PSMD3: variants seen among roughly 807,000 people sequenced by gnomAD.
PSMD3 encodes 26S proteasome non-ATPase regulatory subunit 3.
A neutral mutation model predicts 62.8 loss-of-function variants in PSMD3; 5 were observed. That is an observed-to-expected ratio of 0.08 (90% CI 0.04 to 0.17). PSMD3 has a LOEUF of 0.17. PSMD3 is among the 10% of genes least tolerant of loss of function. The pLI, the probability that PSMD3 is intolerant of heterozygous loss-of-function variation, is 1.00. For missense variants in PSMD3, 524 were observed against 713.6 expected, an observed-to-expected ratio of 0.73 and a Z score of 3.03; for synonymous variants, 265 against 283.9, an observed-to-expected ratio of 0.93 and a Z score of 0.67.
In PSMD3 at chr17:39,995,221, A is replaced by G. The variant is rs1422605502; in HGVS notation, c.1142A>G (p.Gln381Arg). 7 of 1,613,972 alleles carry G rather than the reference A, an allele frequency of 4.3e-6. No individual in the cohort carries two copies. The highest frequency in any genetic ancestry group is 5.9e-6 in the Non-Finnish European group (7 of 1,180,028). Residue 381 changes from glutamine to arginine, a missense_variant, in exon 8 of 12, where the codon CAG (glutamine) becomes CGG (arginine). Gln to Arg is a conservative substitution (Grantham distance 43, BLOSUM62 1). Transcript: ENST00000264639. This position sits in a 1 kb window ranked among gnomAD's most constrained non-coding sequence, Gnocchi z 4.1. ...NLAKFNQVLD[Q>R]FGEKFQADGT... ...GCCAAGTTCAACCAGGTCCTGGATC[A>G]GTTTGGGGAGAAGTTTCAAGCAGAT...
At chr17:39,988,971 G>A (rs1980591261) in intron 4 of PSMD3, 152 bp downstream of exon 4, 4 of 1,051,856 alleles carry the variant, frequency 3.8e-6, no homozygotes, top group Non-Finnish European at 5.6e-6. Flanking sequence ...CCACGTGAGG[G>A]GTGTGGGAGA....
rs1370117796 is a variant in PSMD3 at position 39,989,732 on chromosome 17, C to T, written c.687-7C>T. On this transcript the variant is annotated splice_region_variant and splice_polypyrimidine_tract_variant and intron_variant, in intron 4 of 11. Coordinates refer to ENST00000264639, the MANE Select transcript of PSMD3 (RefSeq NM_002809.4). ...AAGGCTTTGACATCTTTCTTTCCTT[C>T]TTGAAGCTTCTTGCATGCTCGGCTC... 8 of 1,609,570 alleles carry T rather than the reference C, an allele frequency of 5.0e-6. No individual in the cohort carries two copies. The highest frequency in any genetic ancestry group is 6.8e-6 in the Non-Finnish European group (8 of 1,177,904).
chr17:39,982,279 GGT>G (rs1295596996), intron 1 of PSMD3, among the ~76,000 whole-genome samples: 1 of 152,106 alleles, frequency 6.6e-6, no homozygotes, highest in African/African-American at 2.4e-5. Flanking sequence ...TTGCCTACTG[GGT>G]GTGTTTATTA....
At chr17:39,986,985 T>C (rs1980541343) in intron 3 of PSMD3, among the ~76,000 whole-genome samples, 2 of 152,092 alleles carry the variant, frequency 1.3e-5, no homozygotes, top group African/African-American at 2.4e-5. Context: ...TAGGGGCATT[T>C]GGAGACAGAA....
chr17:39,997,662 C>T lies in PSMD3; in HGVS notation c.*81C>T. On this transcript the variant is annotated 3_prime_UTR_variant, in exon 12 of 12. Coordinates refer to ENST00000264639, the MANE Select transcript of PSMD3 (RefSeq NM_002809.4). ...GGTCCCCTGCCCAGGGCACTGTCCC[C>T]ATTTTCCCACACACAGCTCATATGC... The T allele has an allele frequency of 6.8e-7, 1 of 1,464,926 alleles. No individual in the cohort carries two copies. Among genetic ancestry groups the T allele is most frequent in the Non-Finnish European group, 9.4e-7 (1 of 1,061,300 alleles). 90.7% of individuals were successfully genotyped at this position (1,464,926 alleles called of 1,614,324 possible).
intron 6 of PSMD3, among the ~76,000 whole-genome samples, chr17:39,990,733 G>C (rs1188795437): frequency 6.6e-6 from 1 of 152,180 alleles, no homozygotes; most frequent in Admixed American, 6.5e-5. Flanking sequence ...AGTCATTCCA[G>C]GCTTGGACCT....
intron 6 of PSMD3, 112 bp downstream of exon 6, chr17:39,990,309 C>CA (rs1391738329): frequency 1.1e-6 from 1 of 919,124 alleles, no homozygotes; most frequent in Non-Finnish European, 1.6e-6. Flanking sequence ...GAAGTCCTCC[C>CA]ACCTCAGCTT....
rs543910288 is a variant in PSMD3, at chr17:39,984,057, A to G, written c.221-237A>G. Among the ~76,000 whole-genome samples the G allele has an allele frequency of 5.6e-4, 85 of 152,158 alleles. No homozygotes were observed. In the South Asian group the frequency reaches 0.014, roughly 25 times the overall value. ...TACTAAAAATACAAAAAATTTAGCC[A>G]GGCGTGGTGGCGGGTGCCTGTAGTC... On this transcript the variant is annotated intron_variant, in intron 1 of 11. Transcript: ENST00000264639.
chr17:39,988,876 A>G (rs1980588957), intron 4 of PSMD3, 57 bp downstream of exon 4: 1 of 1,588,852 alleles, frequency 6.3e-7, no homozygotes, highest in Admixed American at 1.7e-5. Flanking sequence ...TTGGTCAGTC[A>G]CAAGCACACA....
intron 1 of PSMD3, among the ~76,000 whole-genome samples, chr17:39,983,458 AT>A (rs779125793): frequency 4.6e-4 from 70 of 152,242 alleles, no homozygotes; most frequent in Non-Finnish European, 9.0e-4. Context: ...GTTCGTCTCC[AT>A]TTTTGTTTTG....
intron 1 of PSMD3, among the ~76,000 whole-genome samples, chr17:39,981,847 A>G (rs371515353): frequency 5.4e-5 from 2 of 37,338 alleles, no homozygotes; most frequent in Non-Finnish European, 1.0e-4. Flanking sequence ...GTAATACTCA[A>G]CCTTTGGCCT....
chr17:39,985,728 A>G (rs773203549), intron 2 of PSMD3, among the ~76,000 whole-genome samples: 4 of 152,246 alleles, frequency 2.6e-5, no homozygotes, highest in Non-Finnish European at 5.9e-5. Context: ...TGACCTTCAC[A>G]TCGCTAAACT....
At chr17:39,984,771 C>G (rs1417438425) in intron 2 of PSMD3, among the ~76,000 whole-genome samples, 1 of 152,174 alleles carries the variant, frequency 6.6e-6, no homozygotes, top group African/African-American at 2.4e-5. Context: ...GGTGACCTCT[C>G]TGTTGTTCTA....
rs186307402 is a variant in PSMD3, at chr17:39,981,645, C to T, written c.220+455C>T. ...AACTGTACAGCAGATTTTTGTTGTC[C>T]TAGCTGCCTTTAGCACACTCCCCCG... On this transcript the variant is annotated intron_variant, in intron 1 of 11. Coordinates refer to ENST00000264639, the MANE Select transcript of PSMD3 (RefSeq NM_002809.4). Among the ~76,000 whole-genome samples the T allele has an allele frequency of 5.9e-5, 9 of 152,228 alleles. No individual in the cohort carries two copies. The East Asian group carries it at 1.7e-3, about 29-fold the overall frequency.
chr17:39,994,861 C>T, intron 6 of PSMD3, 93 bp from the exon 7 acceptor site: 1 of 1,088,372 alleles, frequency 9.2e-7, no homozygotes, highest in South Asian at 1.4e-5. Context: ...TCCCTGTTTC[C>T]CACTACATCT....
chr17:39,997,750 C>G lies in PSMD3; in HGVS notation c.*169C>G, dbSNP rs762304216. 73 of 760,724 alleles carry G rather than the reference C, an allele frequency of 9.6e-5. No individual in the cohort carries two copies. Among genetic ancestry groups the G allele is most frequent in the Non-Finnish European group, 1.1e-4 (53 of 468,562 alleles). 47.1% of individuals were successfully genotyped at this position (760,724 alleles called of 1,614,324 possible). On this transcript the variant is annotated 3_prime_UTR_variant, in exon 12 of 12. Transcript: ENST00000264639. Reference sequence around the variant, plus strand: ...CACCCTGACCTCCCCCAGGGCTCCTCCCCAGCCGGTGACTTACTGTACAGC... The same window carrying G: ...CACCCTGACCTCCCCCAGGGCTCCTGCCCAGCCGGTGACTTACTGTACAGC...
intron 3 of PSMD3, among the ~76,000 whole-genome samples, chr17:39,987,293 G>A (rs1180600528): frequency 1.3e-5 from 2 of 152,200 alleles, no homozygotes; most frequent in East Asian, 3.8e-4. Context: ...CAGGAAGTAA[G>A]TCGCACTCCT....
At chr17:39,990,614 A>G (rs973704059) in intron 6 of PSMD3, among the ~76,000 whole-genome samples, 1 of 152,080 alleles carries the variant, frequency 6.6e-6, no homozygotes, top group African/African-American at 2.4e-5. Flanking sequence ...CTTCACATCT[A>G]TTTGTGGGTG....
intron 6 of PSMD3, among the ~76,000 whole-genome samples, chr17:39,991,288 G>A (rs2144813413): frequency 6.6e-6 from 1 of 152,110 alleles, no homozygotes; most frequent in East Asian, 1.9e-4. Flanking sequence ...CCGAGTAACT[G>A]GGATTACAGG....
Sources: gnomAD v4.1 joint callset for allele counts (sites outside exome capture counted in the v4.1 genomes callset) on GRCh38, gnomAD v4.1.1 for gene constraint, Gnocchi (gnomAD v3.1) non-coding constraint, MANE v1.5 for transcripts, NCBI Gene and HGNC (gene_info 2026-07-23, HGNC 2026-07-21) for gene names.